ARMC1: variants seen among roughly 807,000 people sequenced by gnomAD.
ARMC1 encodes the protein armadillo repeat-containing protein 1.
ARMC1 carries 16 observed loss-of-function variants against 31.4 expected under a neutral mutation model. The ratio of observed to expected loss-of-function variants is 0.51; its 90% CI spans 0.34 to 0.77. ARMC1 has a LOEUF of 0.77. Among genes scored for constraint, ARMC1 ranks in the 30% least tolerant of loss-of-function variants. The pLI is 0.01. For synonymous variants in ARMC1, 114 were observed against 118.9 expected (o/e 0.96, Z 0.27); for missense variants, 259 against 347.5 (o/e 0.75, Z 2.02).
chr8:65,616,268 G>C (rs552991811), intron 3 of ARMC1, among the ~76,000 whole-genome samples: 1 of 152,046 alleles, frequency 6.6e-6, no homozygotes, highest in Non-Finnish European at 1.5e-5. Context: ...GAGTGCCTGC[G>C]ATTGCAGGCA....
intron 3 of ARMC1, among the ~76,000 whole-genome samples, chr8:65,616,673 C>G (rs1369411303): frequency 1.3e-5 from 2 of 151,696 alleles, no homozygotes; most frequent in Non-Finnish European, 2.9e-5. Flanking sequence ...GCCGCCATCA[C>G]GTCTAGGAAG....
chr8:65,604,922 T>C (rs1246646109), intron 6 of ARMC1, among the ~76,000 whole-genome samples: 1 of 152,180 alleles, frequency 6.6e-6, no homozygotes, highest in Non-Finnish European at 1.5e-5. Context: ...ACAAAGCTAG[T>C]GAAAAGAGTA....
intron 6 of ARMC1, 118 bp downstream of exon 6, chr8:65,605,145 A>G (rs1389937880): frequency 1.2e-6 from 1 of 825,982 alleles, no homozygotes; most frequent in Non-Finnish European, 1.9e-6. Flanking sequence ...CTGTTAACCA[A>G]GAAACAGCAC....
chr8:65,614,140 T>C (rs1286878737), intron 3 of ARMC1, among the ~76,000 whole-genome samples: 2 of 152,204 alleles, frequency 1.3e-5, no homozygotes, highest in African/African-American at 4.8e-5. Flanking sequence ...TTGAAAAGGA[T>C]CATTCATACT....
intron 3 of ARMC1, among the ~76,000 whole-genome samples, chr8:65,614,971 T>C (rs1239155300): frequency 6.6e-6 from 1 of 152,218 alleles, no homozygotes; most frequent in African/African-American, 2.4e-5. Context: ...GTATATGAAC[T>C]CTTTAAGAGG....
At chr8:65,621,545 G>T (rs1329886277) in intron 3 of ARMC1, among the ~76,000 whole-genome samples, 1 of 152,190 alleles carries the variant, frequency 6.6e-6, no homozygotes, top group Non-Finnish European at 1.5e-5. Flanking sequence ...GTCTCGCTCT[G>T]TTGCCCAGGC....
intron 2 of ARMC1, among the ~76,000 whole-genome samples, chr8:65,625,039 T>G (rs933750606): frequency 6.6e-6 from 1 of 152,196 alleles, no homozygotes; most frequent in Non-Finnish European, 1.5e-5. Flanking sequence ...GAGAATCGCT[T>G]GAACCCAGGA....
At position 65,622,358 on chromosome 8, in the gene ARMC1, C is replaced by T. The variant is rs1262482646; in HGVS notation, c.184-4G>A. On this transcript the variant is annotated splice_region_variant and splice_polypyrimidine_tract_variant and intron_variant, in intron 2 of 6. Coordinates refer to ENST00000276569, the MANE Select transcript of ARMC1 (RefSeq NM_018120.6). Reference sequence around the variant, plus strand: ...ATTCTGCCAAGTATCGAAGAGCCTACAGCAGAAGAAGTAATAAGTTAATTC... The same window carrying T: ...ATTCTGCCAAGTATCGAAGAGCCTATAGCAGAAGAAGTAATAAGTTAATTC... 4 of 1,611,924 alleles carry T rather than the reference C, an allele frequency of 2.5e-6. No homozygotes were observed. The highest frequency in any genetic ancestry group is 1.3e-5 in the African/African-American group (1 of 74,882).
chr8:65,628,391 A>ATTTTTTTTTTTTTTTTTTTTTTT (rs763494218), intron 1 of ARMC1, among the ~76,000 whole-genome samples: 1 of 78,816 alleles, frequency 1.3e-5, no homozygotes, highest in African/African-American at 4.9e-5. Context: ...CGCCCGGCTA[A>ATTTTTTTTTTTTTTTTTTTTTTT]TTTTTTTTTT....
At chr8:65,606,777 C>T (rs1808014491) in intron 4 of ARMC1, among the ~76,000 whole-genome samples, 1 of 152,206 alleles carries the variant, frequency 6.6e-6, no homozygotes, top group African/African-American at 2.4e-5. Context: ...CTATTCTCAT[C>T]ACTTTAGCCA....
intron 4 of ARMC1, 48 bp downstream of exon 4, chr8:65,613,196 A>G (rs1808179125): frequency 6.9e-7 from 1 of 1,444,520 alleles, no homozygotes; most frequent in Non-Finnish European, 9.3e-7. Context: ...GGCACTGAAG[A>G]AACTATTCAG....
chr8:65,624,723 A>G (rs2129043731), intron 2 of ARMC1, among the ~76,000 whole-genome samples: 1 of 152,180 alleles, frequency 6.6e-6, no homozygotes, highest in East Asian at 1.9e-4. Context: ...AAGAAGTTAA[A>G]GATGCATATT....
chr8:65,627,410 T>C lies in ARMC1; in HGVS notation c.-12A>G, dbSNP rs1808536146. 1.3e-6 allele frequency: 2 copies of C among 1,540,066 alleles called. No individual in the cohort carries two copies. Among genetic ancestry groups the C allele is most frequent in the African/African-American group, 1.4e-5 (1 of 72,288 alleles). ...GTGGAAGAATTCATCTTCTATGCCA[T>C]GCACATGAATAAAATCTTAAATTCT... On this transcript the variant is annotated 5_prime_UTR_variant, in exon 2 of 7. The change abolishes an upstream ATG in the 5' untranslated region. Coordinates refer to ENST00000276569, the MANE Select transcript of ARMC1 (RefSeq NM_018120.6).
At chr8:65,621,034 G>T (rs1248299145) in intron 3 of ARMC1, among the ~76,000 whole-genome samples, 1 of 152,054 alleles carries the variant, frequency 6.6e-6, no homozygotes, top group African/African-American at 2.4e-5. Flanking sequence ...GGAGGTTGAG[G>T]CTGCAGTGAG....
chr8:65,617,181 AG>A (rs1429304489), intron 3 of ARMC1, among the ~76,000 whole-genome samples: 1 of 152,198 alleles, frequency 6.6e-6, no homozygotes, highest in African/African-American at 2.4e-5. Flanking sequence ...CGAATAGAAA[AG>A]GGGGAATGTG....
intron 4 of ARMC1, among the ~76,000 whole-genome samples, chr8:65,610,102 A>T (rs1205381243): frequency 1.3e-5 from 2 of 151,290 alleles, no homozygotes; most frequent in East Asian, 4.0e-4. Flanking sequence ...CAAAATTAAA[A>T]TTTTTTTGTG....
At chr8:65,619,167 T>C (rs943708876) in intron 3 of ARMC1, among the ~76,000 whole-genome samples, 5 of 152,042 alleles carry the variant, frequency 3.3e-5, no homozygotes, top group Non-Finnish European at 1.5e-5. Context: ...GCCAGTAAAA[T>C]CTGTTAGGAA....
chr8:65,628,336 C>G (rs1394529639), intron 1 of ARMC1, among the ~76,000 whole-genome samples: 3 of 151,686 alleles, frequency 2.0e-5, no homozygotes, highest in Non-Finnish European at 4.4e-5. Flanking sequence ...ACTACAACCT[C>G]CGCCTCCCGG....
intron 4 of ARMC1, among the ~76,000 whole-genome samples, chr8:65,611,635 C>A (rs1211085363): frequency 1.3e-5 from 2 of 151,962 alleles, no homozygotes; most frequent in Admixed American, 6.6e-5. Context: ...TGACTTGATA[C>A]CCTTTCTTTT....
Sources: gnomAD v4.1 joint callset for allele counts (sites outside exome capture counted in the v4.1 genomes callset) on GRCh38, gnomAD v4.1.1 for gene constraint, MANE v1.5 for transcripts, NCBI Gene and HGNC (gene_info 2026-07-23, HGNC 2026-07-21) for gene names.